The following CFAP20DC variants were observed in gnomAD, a reference collection of about 807,000 sequenced individuals.
The protein encoded by CFAP20DC is CFAP20 domain containing.
In CFAP20DC, 84 loss-of-function variants were observed where a neutral mutation model predicts 101.7. The ratio of observed to expected loss-of-function variants is 0.83; its 90% CI spans 0.69 to 0.99. The LOEUF (loss-of-function observed/expected upper bound fraction) is 0.99. Ranked by LOEUF, CFAP20DC falls within the 50% of genes least tolerant of loss-of-function variation. The pLI, the probability that CFAP20DC is intolerant of heterozygous loss-of-function variation, is 0.00. For synonymous variants in CFAP20DC, 359 were observed against 351.2 expected (o/e 1.02, Z -0.25); for missense variants, 1,007 against 970.3 (o/e 1.04, Z -0.50).
In CFAP20DC at chr3:58,717,504, G is replaced by A. The variant is rs2067413174; in HGVS notation, c.*84C>T. 2.8e-5 allele frequency: 11 copies of A among 386,574 alleles called. 1 individual carries two copies. Among genetic ancestry groups the A allele is most frequent in the South Asian group, 1.9e-4 (10 of 53,482 alleles). The allele number at this position is 386,574 out of a possible 1,614,324, so 23.9% of individuals were successfully genotyped here. A position where few individuals can be genotyped will look rare whatever the true frequency, so the allele number is the denominator to read the frequency against. ...ATGTGTTCTGGAAACTGTAGTTCAG[G>A]ATGAGTATAGATGCTCAAGGAAGAA... is the stretch of plus-strand genomic sequence containing the variant. On this transcript the variant is annotated 3_prime_UTR_variant, in exon 4 of 4. Coordinates refer to the CFAP20DC transcript ENST00000486145. This position sits in a 1 kb window ranked among gnomAD's most constrained non-coding sequence, Gnocchi z 4.1.
chr3:58,877,973 G>A (rs1316311518), intron 7 of CFAP20DC, among the ~76,000 whole-genome samples: 1 of 152,102 alleles, frequency 6.6e-6, no homozygotes, highest in Non-Finnish European at 1.5e-5. Context: ...AAGGGAGCAG[G>A]GCAAATTGAA....
chr3:58,767,306 G>A (rs369964500), intron 15 of CFAP20DC, among the ~76,000 whole-genome samples: 1 of 151,904 alleles, frequency 6.6e-6, no homozygotes, highest in Non-Finnish European at 1.5e-5. Flanking sequence ...TACACACACA[G>A]GTCAGGGACA....
chr3:58,971,864 T>C lies in CFAP20DC; in HGVS notation c.279-34102A>G, dbSNP rs201686179. ...CTGTAATATCATACACACGCACACA[T>C]ACACACACACACACACACACACACA... On this transcript the variant is annotated intron_variant, in intron 4 of 16. Transcript: ENST00000482387. This position sits in a 1 kb window ranked among gnomAD's most constrained non-coding sequence, Gnocchi z 4.1. Among the ~76,000 whole-genome samples, 36 of 142,454 alleles carry C rather than the reference T, an allele frequency of 2.5e-4. No homozygotes were observed. Among genetic ancestry groups the C allele is most frequent in the East Asian group, 4.2e-4 (2 of 4,766 alleles). The allele number at this position is 142,454 out of a possible 152,430, so 93.5% of individuals were successfully genotyped here.
chr3:58,824,831 C>CT lies in CFAP20DC; in HGVS notation c.2175+6854dup, dbSNP rs80121434. 3.8e-3 allele frequency among the ~76,000 whole-genome samples: 537 copies of CT among 140,206 alleles called. 5 individuals carry two copies. The highest frequency in any genetic ancestry group is 9.8e-3 in the African/African-American group (377 of 38,370). The allele number at this position is 140,206 out of a possible 152,430, so 92.0% of individuals were successfully genotyped here. The stretch of plus-strand genomic sequence containing the variant: ...GTGCTTGATATTAGGTATGGGAATT[C>CT]TTTTTTTTTTTTTTAAGAGATGGGG... On this transcript the variant is annotated intron_variant, in intron 14 of 16. Transcript: ENST00000482387.
At chr3:58,760,559 T>G (rs2107352731) in intron 15 of CFAP20DC, among the ~76,000 whole-genome samples, 1 of 152,306 alleles carries the variant, frequency 6.6e-6, no homozygotes, top group Non-Finnish European at 1.5e-5. Context: ...TGGCCAGAAC[T>G]TCCAACACTA....
intron 6 of CFAP20DC, among the ~76,000 whole-genome samples, chr3:58,911,398 T>C (rs2084137161): frequency 6.6e-6 from 1 of 152,078 alleles, no homozygotes; most frequent in African/African-American, 2.4e-5. Context: ...AAAAGATAGG[T>C]AATATTAATC....
At chr3:58,915,300 C>G (rs910488931) in intron 5 of CFAP20DC, among the ~76,000 whole-genome samples, 1 of 152,038 alleles carries the variant, frequency 6.6e-6, no homozygotes, top group African/African-American at 2.4e-5. Flanking sequence ...CCAGTAGATA[C>G]GCCACAGAGT....
intron 15 of CFAP20DC, among the ~76,000 whole-genome samples, chr3:58,783,057 C>T (rs894533335): frequency 1.3e-5 from 2 of 152,002 alleles, no homozygotes; most frequent in African/African-American, 4.8e-5. Context: ...AACCAAACAG[C>T]ATGGTATTGG....
chr3:58,847,514 A>G (rs2077778872), intron 13 of CFAP20DC, among the ~76,000 whole-genome samples: 1 of 151,310 alleles, frequency 6.6e-6, no homozygotes, highest in South Asian at 2.1e-4. Context: ...AAGTCAGGAA[A>G]CAACAGGTGC....
At chr3:58,963,179 G>C (rs1424216144) in intron 4 of CFAP20DC, among the ~76,000 whole-genome samples, 1 of 123,216 alleles carries the variant, frequency 8.1e-6, no homozygotes, top group African/African-American at 2.9e-5. Flanking sequence ...TTCTTCTCAA[G>C]GTTCAGTAGT....
At chr3:58,930,884 G>A (rs1299930778) in intron 5 of CFAP20DC, among the ~76,000 whole-genome samples, 1 of 152,172 alleles carries the variant, frequency 6.6e-6, no homozygotes, top group Non-Finnish European at 1.5e-5. Flanking sequence ...TGAGGTACCG[G>A]GTTCATCTCA....
intron 12 of CFAP20DC, among the ~76,000 whole-genome samples, chr3:58,855,020 A>C (rs1444399779): frequency 6.8e-6 from 1 of 146,760 alleles, no homozygotes; most frequent in Non-Finnish European, 1.5e-5. Context: ...TCTGCACAGC[A>C]AAAGAAACTA....
At chr3:58,749,422 A>C (rs1268152338) in intron 16 of CFAP20DC, among the ~76,000 whole-genome samples, 1 of 152,188 alleles carries the variant, frequency 6.6e-6, no homozygotes, top group Non-Finnish European at 1.5e-5. Flanking sequence ...TCCTCAATAC[A>C]GGAGGATTCC....
intron 3 of CFAP20DC, among the ~76,000 whole-genome samples, chr3:58,719,242 C>T (rs919014014): frequency 6.6e-6 from 1 of 152,100 alleles, no homozygotes; most frequent in African/African-American, 2.4e-5. Flanking sequence ...GACCCTGTCT[C>T]AACAAAAGAA....
intron 12 of CFAP20DC, among the ~76,000 whole-genome samples, chr3:58,854,042 A>G (rs2078518725): frequency 6.6e-6 from 1 of 152,126 alleles, no homozygotes; most frequent in African/African-American, 2.4e-5. Flanking sequence ...AGGAAGTCAA[A>G]TTGTCCCTGT....
Position 59,020,570 on chromosome 3 carries a change from T to C in CFAP20DC, c.278+18987A>G, listed in dbSNP as rs945700564. Among the ~76,000 whole-genome samples, 7 of 152,064 alleles carry C rather than the reference T, an allele frequency of 4.6e-5. No homozygotes were observed. In the East Asian group the frequency reaches 9.7e-4, roughly 21 times the overall value. ...GTGTGTGTGTGTGTGTCTGTGTTTATAGTAGGTTATCACTGTTCACAATTA... is the reference window on the plus strand; with the variant it reads ...GTGTGTGTGTGTGTGTCTGTGTTTACAGTAGGTTATCACTGTTCACAATTA... On this transcript the variant is annotated intron_variant, in intron 4 of 16. Coordinates refer to ENST00000482387, the MANE Select transcript of CFAP20DC (RefSeq NM_001394063.1).
chr3:59,022,601 T>C (rs916738729), intron 4 of CFAP20DC, among the ~76,000 whole-genome samples: 2 of 152,134 alleles, frequency 1.3e-5, no homozygotes, highest in Admixed American at 6.6e-5. Flanking sequence ...GTAATGTCTA[T>C]GTACATGAAA....
intron 4 of CFAP20DC, among the ~76,000 whole-genome samples, chr3:58,967,618 G>A (rs1325718760): frequency 6.6e-6 from 1 of 151,858 alleles, no homozygotes; most frequent in African/African-American, 2.4e-5. Context: ...ATCTGATAAG[G>A]GTATAGTACA....
chr3:58,985,413 T>A (rs1430586274), intron 4 of CFAP20DC, among the ~76,000 whole-genome samples: 2 of 152,074 alleles, frequency 1.3e-5, no homozygotes, highest in Non-Finnish European at 1.5e-5. Context: ...CATATCTAGT[T>A]TTTTTTTCTC....
Sources: gnomAD v4.1 joint callset for allele counts (sites outside exome capture counted in the v4.1 genomes callset) on GRCh38, gnomAD v4.1.1 for gene constraint, Gnocchi (gnomAD v3.1) non-coding constraint, MANE v1.5 for transcripts, NCBI Gene and HGNC (gene_info 2026-07-23, HGNC 2026-07-21) for gene names.